The following MAP4K3 variants were observed in gnomAD, a reference collection of about 807,000 sequenced individuals.
MAP4K3 encodes MAPK/ERK kinase kinase kinase 3.
In MAP4K3, 94 loss-of-function variants were observed where a neutral mutation model predicts 143.5. That is an observed-to-expected ratio of 0.65 (90% CI 0.55 to 0.78). The LOEUF (loss-of-function observed/expected upper bound fraction) is 0.78, where lower values mean the gene tolerates loss of function less well. MAP4K3 is among the 30% of genes least tolerant of loss of function. The pLI is 0.00. For missense variants in MAP4K3, 1,077 were observed against 1,068.1 expected (o/e 1.01, Z -0.12); for synonymous variants, 416 against 347.2 (o/e 1.20, Z -2.20).
At chr2:39,361,988 A>C (rs906777447) in intron 2 of MAP4K3, among the ~76,000 whole-genome samples, 15 of 152,230 alleles carry the variant, frequency 9.9e-5, no homozygotes, top group African/African-American at 3.6e-4. Flanking sequence ...TTCCCTTCTG[A>C]ATAGAAGAAC....
intron 24 of MAP4K3, among the ~76,000 whole-genome samples, chr2:39,275,603 T>G (rs1375920796): frequency 1.3e-5 from 2 of 152,198 alleles, no homozygotes; most frequent in Non-Finnish European, 2.9e-5. Flanking sequence ...TTTTTGGATA[T>G]CTCATTATAC....
intron 1 of MAP4K3, among the ~76,000 whole-genome samples, chr2:39,420,954 T>C (rs58899133): frequency 0.016 from 2,367 of 152,250 alleles, 66 homozygotes; most frequent in African/African-American, 0.054. Context: ...TTCACTCAAC[T>C]TTCCCATCTC....
chr2:39,266,753 T>C (rs1267743199), intron 27 of MAP4K3, among the ~76,000 whole-genome samples: 2 of 152,016 alleles, frequency 1.3e-5, no homozygotes, highest in Non-Finnish European at 2.9e-5. Flanking sequence ...GAACAACTAA[T>C]TGTTATTGGG....
intron 12 of MAP4K3, among the ~76,000 whole-genome samples, chr2:39,319,533 T>C (rs557488361): frequency 1.3e-5 from 2 of 152,126 alleles, no homozygotes; most frequent in African/African-American, 2.4e-5. Context: ...CAATCCCCCT[T>C]GTGTACGTCA....
intron 1 of MAP4K3, among the ~76,000 whole-genome samples, chr2:39,435,170 T>C (rs1665419669): frequency 6.6e-6 from 1 of 152,170 alleles, no homozygotes; most frequent in Admixed American, 6.5e-5. Context: ...GTCATCACCA[T>C]ATTCCTTAAC....
In MAP4K3 at chr2:39,268,634, A is replaced by ATTTTTTTTTTTTTTTTTT. The variant is rs70954799; in HGVS notation, c.1974-1405_1974-1388dup. On this transcript the variant is annotated intron_variant, in intron 26 of 33. Transcript: ENST00000263881. ...CTGTGCCCGGCTAAAGATTTTTTCTATTTTTTTTTTTTTTTTTTTTTTTGA... is the reference window on the plus strand; with the variant it reads ...CTGTGCCCGGCTAAAGATTTTTTCTATTTTTTTTTTTTTTTTTTTTTTTTTTTTTTTTTTTTTTTTTGA... 2.6e-4 allele frequency among the ~76,000 whole-genome samples: 19 copies of ATTTTTTTTTTTTTTTTTT among 73,786 alleles called. 3 individuals carry two copies. Among genetic ancestry groups the ATTTTTTTTTTTTTTTTTT allele is most frequent in the East Asian group, 4.8e-4 (1 of 2,100 alleles). 48.4% of individuals were successfully genotyped at this position (73,786 alleles called of 152,430 possible).
intron 21 of MAP4K3, 67 bp from the exon 22 acceptor site, chr2:39,282,621 C>A: frequency 9.8e-7 from 1 of 1,025,428 alleles, no homozygotes; most frequent in Admixed American, 2.0e-5. Context: ...TACTGTATTT[C>A]AAACACATTT....
intron 1 of MAP4K3, among the ~76,000 whole-genome samples, chr2:39,422,604 AC>A (rs1424914050): frequency 1.2e-4 from 19 of 152,194 alleles, no homozygotes; most frequent in African/African-American, 4.6e-4. Context: ...CCAGAAACAG[AC>A]CCACACAAAT....
intron 1 of MAP4K3, among the ~76,000 whole-genome samples, chr2:39,407,778 G>A (rs1450599945): frequency 6.6e-6 from 1 of 152,068 alleles, no homozygotes; most frequent in Non-Finnish European, 1.5e-5. Context: ...GTCTCACTAT[G>A]TTGCCCAGGC....
At chr2:39,333,384 G>A in intron 7 of MAP4K3, 148 bp downstream of exon 7, 1 of 621,480 alleles carries the variant, frequency 1.6e-6, no homozygotes, top group East Asian at 2.7e-5. Flanking sequence ...TGGATGCAGA[G>A]AGGTGACAGC....
chr2:39,293,244 T>G lies in MAP4K3; in HGVS notation c.1203A>C (p.Glu401Asp). 6.4e-7 allele frequency: 1 copy of G among 1,551,178 alleles called. No individual in the cohort carries two copies. Among genetic ancestry groups the G allele is most frequent in the Non-Finnish European group, 8.7e-7 (1 of 1,145,166 alleles). The part of the protein sequence containing the change: ...ANKSLLKSVE[E>D]ELHQRGHVAH... Reference sequence around the variant, plus strand: ...ATTAAAATTACCGCTGATGCAATTCTTCTTCAACAGACTTGAGAAGACTCC... The same window carrying G: ...ATTAAAATTACCGCTGATGCAATTCGTCTTCAACAGACTTGAGAAGACTCC... The change falls in exon 17 of 34, where the codon GAA (glutamate) becomes GAC (aspartate). Residue 401 changes from glutamate to aspartate, a missense_variant. This residue lies in a region of MAP4K3 where 864 missense variants were observed against 801.2 expected (regional missense o/e 1.08). Coordinates refer to ENST00000263881, the MANE Select transcript of MAP4K3 (RefSeq NM_003618.4).
intron 1 of MAP4K3, among the ~76,000 whole-genome samples, chr2:39,417,668 A>C (rs1490967460): frequency 6.6e-6 from 1 of 152,228 alleles, no homozygotes; most frequent in African/African-American, 2.4e-5. Context: ...AATTATAGAT[A>C]TGTATGTATA....
chr2:39,276,950 G>A lies in MAP4K3; in HGVS notation c.1794+1457C>T, dbSNP rs546022086. 2.6e-5 allele frequency among the ~76,000 whole-genome samples: 4 copies of A among 152,306 alleles called. No homozygotes were observed. The East Asian group carries it at 5.8e-4, about 22-fold the overall frequency. On this transcript the variant is annotated intron_variant, in intron 24 of 33. Coordinates refer to ENST00000263881, the MANE Select transcript of MAP4K3 (RefSeq NM_003618.4). ...GTAATGGCTGCACAACGCTGTGAAC[G>A]TACTAAAAGCCACTGAATTGTACCC...
intron 1 of MAP4K3, among the ~76,000 whole-genome samples, chr2:39,413,767 C>G (rs983668573): frequency 4.6e-5 from 7 of 151,730 alleles, no homozygotes; most frequent in Non-Finnish European, 1.0e-4. Flanking sequence ...TCTTGGCATA[C>G]AAGATGCCCA....
intron 4 of MAP4K3, among the ~76,000 whole-genome samples, chr2:39,341,195 G>T (rs190191390): frequency 1.3e-5 from 2 of 152,254 alleles, no homozygotes; most frequent in East Asian, 3.9e-4. Context: ...TAATTAGACT[G>T]ACAGAAGGTT....
intron 16 of MAP4K3, among the ~76,000 whole-genome samples, chr2:39,297,762 T>G (rs1197048342): frequency 1.3e-5 from 2 of 152,186 alleles, no homozygotes; most frequent in Non-Finnish European, 2.9e-5. Flanking sequence ...CACATGTATG[T>G]CTATACCTAC....
chr2:39,400,362 T>C (rs1460615771), intron 1 of MAP4K3, among the ~76,000 whole-genome samples: 1 of 152,246 alleles, frequency 6.6e-6, no homozygotes, highest in Non-Finnish European at 1.5e-5. Flanking sequence ...CATAATATTT[T>C]AAAGTACTGC....
chr2:39,292,853 T>C (rs765076216), intron 17 of MAP4K3, 27 bp from the exon 18 acceptor site: 10 of 1,584,786 alleles, frequency 6.3e-6, no homozygotes, highest in Middle Eastern at 1.7e-4. Flanking sequence ...ATGTCATTGT[T>C]ATTAAATGGA....
intron 13 of MAP4K3, among the ~76,000 whole-genome samples, chr2:39,312,455 C>T (rs1037254966): frequency 6.6e-6 from 1 of 152,168 alleles, no homozygotes; most frequent in African/African-American, 2.4e-5. Flanking sequence ...GATTTCAAAG[C>T]ATAATCACTT....
Sources: allele counts gnomAD v4.1 joint callset (sites outside exome capture counted in the v4.1 genomes callset), GRCh38; gene constraint gnomAD v4.1.1; regional missense constraint gnomAD v4.1.1; transcripts MANE v1.5; gene names NCBI Gene and HGNC (gene_info 2026-07-23, HGNC 2026-07-21).